The following VCAN variants were observed in gnomAD, a reference collection of about 807,000 sequenced individuals.
VCAN encodes the protein versican core protein.
In VCAN, 44 loss-of-function variants were observed where a neutral mutation model predicts 245.5. That is an observed-to-expected ratio of 0.18 (90% CI 0.14 to 0.23). The LOEUF (loss-of-function observed/expected upper bound fraction) is 0.23. VCAN is among the 10% of genes least tolerant of loss of function. VCAN has a pLI of 1.00. For synonymous variants in VCAN, 1,413 were observed against 1,437.0 expected (o/e 0.98, Z 0.38); for missense variants, 3,793 against 4,057.9 (o/e 0.93, Z 1.77).
chr5:83,490,025 T>A (rs1744924762), intron 2 of VCAN, 73 bp from the exon 3 acceptor site: 2 of 1,538,848 alleles, frequency 1.3e-6, no homozygotes, highest in African/African-American at 1.4e-5. Context: ...AGGCTGCTTA[T>A]CCATTCACAT....
chr5:83,487,722 A>G (rs1364117312), intron 2 of VCAN, among the ~76,000 whole-genome samples: 1 of 152,172 alleles, frequency 6.6e-6, no homozygotes, highest in Non-Finnish European at 1.5e-5. Flanking sequence ...CATCTAGAAC[A>G]GTAAACAACC....
chr5:83,548,779 C>T (rs981172299), intron 10 of VCAN, among the ~76,000 whole-genome samples: 2 of 152,192 alleles, frequency 1.3e-5, no homozygotes, highest in East Asian at 1.9e-4. Context: ...TACTTAAACT[C>T]GTACAGTGGT....
chr5:83,509,986 T>C (rs1329688826), intron 5 of VCAN, among the ~76,000 whole-genome samples: 1 of 152,232 alleles, frequency 6.6e-6, no homozygotes, highest in East Asian at 1.9e-4. Context: ...GTGCCATTCA[T>C]TTAACAAATC....
Position 83,493,884 on chromosome 5 carries a change from C to T in VCAN, c.701C>T (p.Ser234Phe). Reference protein sequence around the residue: ...KAGVRTYGFRSPQETYDVYCY... With the variant: ...KAGVRTYGFRFPQETYDVYCY... The stretch of plus-strand genomic sequence containing the variant: ...GGAGTCAGGACTTATGGATTCCGTT[C>T]TCCCCAGGAAACTTACGATGTGTAT... Residue 234 changes from serine to phenylalanine, a missense_variant, in exon 5 of 15, where the codon TCT (serine) becomes TTT (phenylalanine). Around this residue, in one of 5 missense-constraint regions of VCAN, gnomAD observed 190 missense variants for 288.6 expected, o/e 0.66. Transcript: ENST00000265077. 6.2e-7 allele frequency: 1 copy of T among 1,614,128 alleles called. No individual in the cohort carries two copies. The highest frequency in any genetic ancestry group is 8.5e-7 in the Non-Finnish European group (1 of 1,180,008).
chr5:83,523,400 T>C (rs1031920928), intron 7 of VCAN, among the ~76,000 whole-genome samples: 1 of 124,470 alleles, frequency 8.0e-6, no homozygotes. Context: ...GAAGACAGGA[T>C]AGAAGATTTT....
Position 83,540,584 on chromosome 5 carries a change from C to T in VCAN, c.7581C>T (p.Phe2527=), listed in dbSNP as rs149880697. The T allele has an allele frequency of 1.4e-4, 230 of 1,613,758 alleles. 2 individuals are homozygous for T. In the Middle Eastern group the frequency reaches 3.8e-3, roughly 27 times the overall value. ...GTTTCCAAGACCGTTTCAGGGAATTCGAGGATTCCACCTTAAAACCTAACA... is the reference window on the plus strand; with the variant it reads ...GTTTCCAAGACCGTTTCAGGGAATTTGAGGATTCCACCTTAAAACCTAACA... The part of the protein sequence containing the change: ...DGSFQDRFRE[F]EDSTLKPNRK... Residue 2527 remains phenylalanine (F), a synonymous_variant, in exon 8 of 15, where the codon TTC becomes TTT. Coordinates refer to ENST00000265077, the MANE Select transcript of VCAN (RefSeq NM_004385.5).
intron 9 of VCAN, among the ~76,000 whole-genome samples, chr5:83,547,232 A>T (rs970676049): frequency 2.6e-5 from 4 of 152,154 alleles, no homozygotes; most frequent in African/African-American, 9.7e-5. Context: ...GTTACTTCAC[A>T]CTCTAGTCAA....
rs1748698998 is a variant in VCAN, at chr5:83,582,172, G to C, written c.*1738G>C. The C allele has an allele frequency of 6.6e-6, 1 of 151,918 alleles. No homozygotes were observed. The highest frequency in any genetic ancestry group is 1.5e-5 in the Non-Finnish European group (1 of 67,980). The allele number at this position is 151,918 out of a possible 1,614,324, so 9.4% of individuals were successfully genotyped here. On this transcript the variant is annotated 3_prime_UTR_variant, in exon 15 of 15. Transcript: ENST00000265077. ...TTTACAATGCACATAATACTTTCCT[G>C]TATTTATATCATAACGTGTATAGTG...
At position 83,485,345 on chromosome 5, in the gene VCAN, G is replaced by T. The variant is rs184838172; in HGVS notation, c.70+1757G>T. On this transcript the variant is annotated intron_variant, in intron 2 of 14. Transcript: ENST00000265077. ...TTTGAACCCGGGAGGTGGAGGTTGT[G>T]GTGAGCCGGGATTGCATCATTGCAC... Among the ~76,000 whole-genome samples, 124 of 151,376 alleles carry T rather than the reference G, an allele frequency of 8.2e-4. 1 individual carries two copies. The Middle Eastern group carries it at 0.031, about 38-fold the overall frequency.
chr5:83,512,532 T>G lies in VCAN; in HGVS notation c.1042+136T>G. 5 of 1,195,510 alleles carry G rather than the reference T, an allele frequency of 4.2e-6. No individual in the cohort carries two copies. In the South Asian group the frequency reaches 7.9e-5, roughly 19 times the overall value. 74.1% of individuals were successfully genotyped at this position (1,195,510 alleles called of 1,614,324 possible). A position where few individuals can be genotyped will look rare whatever the true frequency, so the allele number is the denominator to read the frequency against. On this transcript the variant is annotated intron_variant, in intron 6 of 14. Transcript: ENST00000265077. ...ACGGAATGGAAACAGTTCAGTGATT[T>G]TCAAAAGCAAGCAAACTGAACAGCA...
chr5:83,529,718 A>G (rs773779552), intron 7 of VCAN, among the ~76,000 whole-genome samples: 1 of 152,080 alleles, frequency 6.6e-6, no homozygotes. Context: ...ACCTCACCAC[A>G]TTGGTTAAAG....
At chr5:83,507,146 A>G (rs1392382139) in intron 5 of VCAN, among the ~76,000 whole-genome samples, 2 of 152,216 alleles carry the variant, frequency 1.3e-5, no homozygotes, top group Non-Finnish European at 2.9e-5. Flanking sequence ...AACATGTTCC[A>G]AATCTGTGCT....
intron 12 of VCAN, among the ~76,000 whole-genome samples, chr5:83,570,359 C>T (rs1440691239): frequency 6.6e-6 from 1 of 152,058 alleles, no homozygotes; most frequent in Non-Finnish European, 1.5e-5. Flanking sequence ...GCAGTGATCT[C>T]TTGTCTCATA....
intron 12 of VCAN, 76 bp downstream of exon 12, chr5:83,555,114 A>T (rs559004608): frequency 6.8e-7 from 1 of 1,462,640 alleles, no homozygotes; most frequent in Non-Finnish European, 9.6e-7. Context: ...TGCATTACAG[A>T]GGGTGCATTA....
rs182041426 is a variant in VCAN, at chr5:83,522,535, C to T, written c.4003+226C>T. Among the ~76,000 whole-genome samples the T allele has an allele frequency of 7.9e-5, 12 of 152,298 alleles. No homozygotes were observed. The East Asian group carries it at 9.6e-4, about 12-fold the overall frequency. On this transcript the variant is annotated intron_variant, in intron 7 of 14. Coordinates refer to ENST00000265077, the MANE Select transcript of VCAN (RefSeq NM_004385.5). ...TTTATGTTAAAAGTCATAAGAAGCC[C>T]TGCTTTGTCATCTAATATAACCAAA...
At chr5:83,527,002 C>G (rs892072651) in intron 7 of VCAN, among the ~76,000 whole-genome samples, 1 of 152,168 alleles carries the variant, frequency 6.6e-6, no homozygotes, top group Non-Finnish European at 1.5e-5. Context: ...AGCCCTGGCC[C>G]TCTTTGGAGC....
chr5:83,473,589 T>A (rs1380060711), intron 1 of VCAN, among the ~76,000 whole-genome samples: 1 of 152,122 alleles, frequency 6.6e-6, no homozygotes, highest in Non-Finnish European at 1.5e-5. Context: ...TCCCTGCCTT[T>A]CCCGTGCTCC....
chr5:83,564,435 T>G (rs1398381480), intron 12 of VCAN, among the ~76,000 whole-genome samples: 7 of 152,218 alleles, frequency 4.6e-5, no homozygotes, highest in Admixed American at 4.6e-4. Flanking sequence ...TTCTTAATTC[T>G]AGTATAAATT....
At chr5:83,519,265 T>A in intron 6 of VCAN, 84 bp from the exon 7 acceptor site, 1 of 1,437,426 alleles carries the variant, frequency 7.0e-7, no homozygotes, top group Non-Finnish European at 9.6e-7. Context: ...CCCTACAAAA[T>A]ACTCAGGAGC....
Sources: allele counts gnomAD v4.1 joint callset (sites outside exome capture counted in the v4.1 genomes callset), GRCh38; gene constraint gnomAD v4.1.1; regional missense constraint gnomAD v4.1.1; transcripts MANE v1.5; gene names NCBI Gene and HGNC (gene_info 2026-07-23, HGNC 2026-07-21).